The following PDS5B variants were observed in gnomAD, a reference collection of about 807,000 sequenced individuals.
PDS5B encodes PDS5 cohesin associated factor B.
A neutral mutation model predicts 184.1 loss-of-function variants in PDS5B; 51 were observed. That is an observed-to-expected ratio of 0.28 (90% confidence interval 0.22 to 0.35). The LOEUF (loss-of-function observed/expected upper bound fraction) is 0.35. Among genes scored for constraint, PDS5B ranks in the 10% least tolerant of loss-of-function variants. PDS5B has a pLI of 1.00. For synonymous variants in PDS5B, 566 were observed against 569.2 expected (o/e 0.99, Z 0.08); for missense variants, 1,180 against 1,723.3 (o/e 0.68, Z 5.58).
chr13:32,608,612 G>A (rs962573770), intron 1 of PDS5B, among the ~76,000 whole-genome samples: 1 of 152,190 alleles, frequency 6.6e-6, no homozygotes, highest in Non-Finnish European at 1.5e-5. Context: ...GGAACCTACA[G>A]AGATTTGGAA....
chr13:32,752,795 T>C (rs1954032710), intron 24 of PDS5B, among the ~76,000 whole-genome samples: 1 of 152,204 alleles, frequency 6.6e-6, no homozygotes, highest in Admixed American at 6.5e-5. Flanking sequence ...GTTTCTGAAA[T>C]GGATTAGTAA....
At chr13:32,588,908 A>G (rs944821367) in intron 1 of PDS5B, among the ~76,000 whole-genome samples, 26 of 152,246 alleles carry the variant, frequency 1.7e-4, no homozygotes, top group Non-Finnish European at 1.6e-4. Context: ...AGAGGGGTGC[A>G]ATGGTAGAAA....
At chr13:32,630,302 A>T (rs1319338647) in intron 1 of PDS5B, among the ~76,000 whole-genome samples, 1 of 152,206 alleles carries the variant, frequency 6.6e-6, no homozygotes, top group Admixed American at 6.5e-5. Context: ...GACCTAGAGC[A>T]GTAGTTCTCA....
At chr13:32,588,880 A>T (rs2057731385) in intron 1 of PDS5B, among the ~76,000 whole-genome samples, 1 of 152,272 alleles carries the variant, frequency 6.6e-6, no homozygotes, top group Admixed American at 6.5e-5. Flanking sequence ...ACTCTGTATT[A>T]GGCAGGGCTT....
At chr13:32,696,085 A>T (rs1951694327) in intron 14 of PDS5B, among the ~76,000 whole-genome samples, 1 of 152,136 alleles carries the variant, frequency 6.6e-6, no homozygotes, top group Non-Finnish European at 1.5e-5. Flanking sequence ...TTGGGAATTA[A>T]TTCTTGAACT....
At chr13:32,706,315 TAAATAAATA>T (rs1952012051) in intron 17 of PDS5B, among the ~76,000 whole-genome samples, 2 of 146,676 alleles carry the variant, frequency 1.4e-5, no homozygotes, top group African/African-American at 5.1e-5. Flanking sequence ...AATAAATAAA[TAAATAAATA>T]AAATAACATA....
chr13:32,678,060 A>C (rs1321034687), intron 9 of PDS5B, among the ~76,000 whole-genome samples: 1 of 152,064 alleles, frequency 6.6e-6, no homozygotes, highest in Non-Finnish European at 1.5e-5. Flanking sequence ...AGATCTAACT[A>C]CCAGTTTACA....
chr13:32,655,372 A>ATATATATATATATATATATATATATT (rs1939527141), intron 3 of PDS5B, among the ~76,000 whole-genome samples: 1 of 52,304 alleles, frequency 1.9e-5, no homozygotes, highest in Non-Finnish European at 3.1e-5. Flanking sequence ...ATATATATAT[A>ATATATATATATATATATATATATATT]TATTTTTTTT....
At chr13:32,738,391 G>A (rs1953414336) in intron 21 of PDS5B, among the ~76,000 whole-genome samples, 5 of 152,090 alleles carry the variant, frequency 3.3e-5, no homozygotes, top group Admixed American at 6.6e-5. Context: ...AATAGATACA[G>A]TATCTCATTA....
At chr13:32,737,228 C>T (rs1953366429) in intron 21 of PDS5B, among the ~76,000 whole-genome samples, 1 of 152,078 alleles carries the variant, frequency 6.6e-6, no homozygotes, top group Non-Finnish European at 1.5e-5. Flanking sequence ...TTCTATCAGG[C>T]AGTTAAGCTA....
rs1030031365 is a variant in PDS5B, at chr13:32,701,154, A to G, written c.1741-169A>G. 13 of 507,266 alleles carry G rather than the reference A, an allele frequency of 2.6e-5. No individual in the cohort carries two copies. In the Admixed American group the frequency reaches 3.3e-4, roughly 13 times the overall value. The allele number at this position is 507,266 out of a possible 1,614,324, so 31.4% of individuals were successfully genotyped here. On this transcript the variant is annotated intron_variant, in intron 16 of 34. Coordinates refer to ENST00000315596, the MANE Select transcript of PDS5B (RefSeq NM_015032.4). Reference sequence around the variant, plus strand: ...GATTACTTGAAATATTACCTTTTTCATATGCTAAATCCTTAATTCAGTCTT... The same window carrying G: ...GATTACTTGAAATATTACCTTTTTCGTATGCTAAATCCTTAATTCAGTCTT...
At chr13:32,709,048 T>C (rs1318665862) in intron 18 of PDS5B, among the ~76,000 whole-genome samples, 1 of 152,124 alleles carries the variant, frequency 6.6e-6, no homozygotes, top group East Asian at 1.9e-4. Flanking sequence ...TATTATTCTT[T>C]CAATATTCTT....
At chr13:32,654,111 C>G (rs553272611) in intron 3 of PDS5B, among the ~76,000 whole-genome samples, 2 of 152,246 alleles carry the variant, frequency 1.3e-5, no homozygotes, top group East Asian at 3.9e-4. Context: ...ATTTTTGAGT[C>G]TTATTCTAAA....
intron 1 of PDS5B, among the ~76,000 whole-genome samples, chr13:32,596,631 T>G (rs2057875654): frequency 6.6e-6 from 1 of 152,188 alleles, no homozygotes; most frequent in Admixed American, 6.5e-5. Flanking sequence ...ATGTTCTAGT[T>G]GTTTTACATC....
chr13:32,671,855 A>G (rs1401150526), intron 7 of PDS5B, among the ~76,000 whole-genome samples: 1 of 151,942 alleles, frequency 6.6e-6, no homozygotes, highest in Non-Finnish European at 1.5e-5. Flanking sequence ...AGAATCCTTG[A>G]CTCCTTCTCC....
chr13:32,679,046 G>T, intron 10 of PDS5B, 117 bp downstream of exon 10: 4 of 526,224 alleles, frequency 7.6e-6, no homozygotes, highest in East Asian at 3.2e-5. Context: ...TCTTGTTTTA[G>T]TTTAAGGTCA....
chr13:32,644,657 ATTAT>A (rs1566277967), intron 1 of PDS5B, among the ~76,000 whole-genome samples: 1 of 152,162 alleles, frequency 6.6e-6, no homozygotes, highest in Non-Finnish European at 1.5e-5. Flanking sequence ...GTCAGTAAAC[ATTAT>A]TTATGCTGTA....
At chr13:32,737,006 A>G (rs895063792) in intron 21 of PDS5B, among the ~76,000 whole-genome samples, 2 of 152,148 alleles carry the variant, frequency 1.3e-5, no homozygotes, top group African/African-American at 4.8e-5. Context: ...TTGTCATTAA[A>G]TCCTTGAAAA....
intron 20 of PDS5B, among the ~76,000 whole-genome samples, chr13:32,732,526 G>C (rs943344925): frequency 1.3e-5 from 2 of 152,062 alleles, no homozygotes; most frequent in African/African-American, 2.4e-5. Context: ...GTTACAGATA[G>C]TAGGTAACAG....
Sources: gnomAD v4.1 joint callset for allele counts (sites outside exome capture counted in the v4.1 genomes callset) on GRCh38, gnomAD v4.1.1 for gene constraint, MANE v1.5 for transcripts, NCBI Gene and HGNC (gene_info 2026-07-23, HGNC 2026-07-21) for gene names.